SS18: variants seen among roughly 807,000 people sequenced by gnomAD.
SS18 encodes the protein protein SSXT.
In SS18, 28 loss-of-function variants were observed where a neutral mutation model predicts 72.5. The ratio of observed to expected loss-of-function variants is 0.39; its 90% CI spans 0.29 to 0.53. The LOEUF (loss-of-function observed/expected upper bound fraction) is 0.53. SS18 is among the 20% of genes least tolerant of loss of function. The pLI, the probability that SS18 is intolerant of heterozygous loss-of-function variation, is 0.76. For synonymous variants in SS18, 172 were observed against 164.2 expected (o/e 1.05, Z -0.37); for missense variants, 518 against 535.3 (o/e 0.97, Z 0.32).
intron 9 of SS18, among the ~76,000 whole-genome samples, chr18:26,033,626 C>A (rs2053580961): frequency 6.6e-6 from 1 of 151,144 alleles, no homozygotes; most frequent in Non-Finnish European, 1.5e-5. Context: ...CAAAAGAGAA[C>A]AAGTTTTCAA....
chr18:26,084,176 C>T (rs947035933), intron 2 of SS18: 1 of 151,916 alleles, frequency 6.6e-6, no homozygotes, highest in Non-Finnish European at 1.5e-5. Flanking sequence ...CTGGCCAGAT[C>T]TGGAAGAATT....
At chr18:26,053,808 T>C (rs557960312) in intron 4 of SS18, among the ~76,000 whole-genome samples, 1 of 152,236 alleles carries the variant, frequency 6.6e-6, no homozygotes, top group South Asian at 2.1e-4. Flanking sequence ...TCTAACTATA[T>C]TGTGAAGAAA....
Position 26,087,511 on chromosome 18 carries a change from C to T in SS18, c.136G>A (p.Glu46Lys), listed in dbSNP as rs773122063. ...MDSQNKGKTS[E>K]CSQYQQMLHT... is the part of the protein sequence containing the mutation. ...TCTTATCAATCTTACTGAGAACACT[C>T]TGAGGTCTTTCCTTTATTCTGAGAG... The change falls in exon 2 of 11, where the codon GAG becomes AAG. Residue 46 changes from glutamate (E) to lysine (K), a missense_variant. Transcript: ENST00000415083. The T allele has an allele frequency of 2.5e-6, 4 of 1,584,288 alleles. No homozygotes were observed. Among genetic ancestry groups the T allele is most frequent in the Non-Finnish European group, 3.4e-6 (4 of 1,160,652 alleles).
At chr18:26,030,649 A>G (rs577470154) in intron 10 of SS18, among the ~76,000 whole-genome samples, 1 of 152,314 alleles carries the variant, frequency 6.6e-6, no homozygotes, top group African/African-American at 2.4e-5. Flanking sequence ...GAAAATGATC[A>G]GTTTAGTCTA....
chr18:26,087,255 AG>A (rs1225731627), intron 2 of SS18, among the ~76,000 whole-genome samples: 1 of 151,806 alleles, frequency 6.6e-6, no homozygotes, highest in African/African-American at 2.4e-5. Context: ...TCACGGGTTG[AG>A]GGGTGGGGGA....
chr18:26,044,320 T>A (rs1282290910), intron 5 of SS18, among the ~76,000 whole-genome samples: 1 of 144,358 alleles, frequency 6.9e-6, no homozygotes, highest in African/African-American at 2.8e-5. Flanking sequence ...CTTTTCATAT[T>A]TTTTTAGATT....
chr18:26,049,570 T>C (rs1472544286), intron 5 of SS18, among the ~76,000 whole-genome samples: 1 of 152,212 alleles, frequency 6.6e-6, no homozygotes, highest in Non-Finnish European at 1.5e-5. Flanking sequence ...TGGAGTGCAG[T>C]GACACCAGCA....
At chr18:26,084,671 T>C (rs1048281715) in intron 2 of SS18, among the ~76,000 whole-genome samples, 1 of 152,160 alleles carries the variant, frequency 6.6e-6, no homozygotes, top group East Asian at 1.9e-4. Context: ...TAAAAGTGTA[T>C]AGTGTGAATT....
rs953370931 is a variant in SS18, at chr18:26,017,684, C to T, written c.*670G>A. The stretch of plus-strand genomic sequence containing the variant: ...AAGGCTTTTAAAAAATGTCTTTTTA[C>T]TCAAAACTGTATCACAGTGCCCTTG... On this transcript the variant is annotated 3_prime_UTR_variant, in exon 11 of 11. Coordinates refer to ENST00000415083, the MANE Select transcript of SS18 (RefSeq NM_001007559.3). 4.2e-5 allele frequency: 9 copies of T among 212,336 alleles called. No individual in the cohort carries two copies. Among genetic ancestry groups the T allele is most frequent in the African/African-American group, 2.0e-4 (9 of 44,234 alleles). 13.2% of individuals were successfully genotyped at this position (212,336 alleles called of 1,614,324 possible). A position where few individuals can be genotyped will look rare whatever the true frequency, so the allele number is the denominator to read the frequency against.
chr18:26,078,218 G>T, intron 2 of SS18, 58 bp from the exon 3 acceptor site: 1 of 1,206,598 alleles, frequency 8.3e-7, no homozygotes, highest in Non-Finnish European at 1.2e-6. Flanking sequence ...ACCTGCCTAA[G>T]TACAAACAGC....
chr18:26,072,994 CCTAAT>C (rs1474452159), intron 3 of SS18, among the ~76,000 whole-genome samples: 1 of 151,918 alleles, frequency 6.6e-6, no homozygotes, highest in African/African-American at 2.4e-5. Context: ...CTTGACCTAA[CCTAAT>C]AGACATATAT....
intron 5 of SS18, among the ~76,000 whole-genome samples, chr18:26,047,370 A>G (rs2053844127): frequency 6.6e-6 from 1 of 152,006 alleles, no homozygotes; most frequent in Admixed American, 6.5e-5. Context: ...AGGCCTTTTA[A>G]TAGTCTAATA....
intron 4 of SS18, among the ~76,000 whole-genome samples, chr18:26,056,046 C>A (rs141881150): frequency 6.6e-6 from 1 of 152,084 alleles, no homozygotes; most frequent in African/African-American, 2.4e-5. Context: ...CGTGAGCCAC[C>A]GCGCCTGGCC....
chr18:26,026,673 T>A (rs887629799), intron 10 of SS18, among the ~76,000 whole-genome samples: 2 of 152,024 alleles, frequency 1.3e-5, no homozygotes, highest in African/African-American at 4.8e-5. Context: ...GGGGGAGCAT[T>A]CAGATTGAAA....
At chr18:26,030,880 C>T (rs1049860042) in intron 10 of SS18, among the ~76,000 whole-genome samples, 2 of 151,756 alleles carry the variant, frequency 1.3e-5, no homozygotes, top group African/African-American at 4.8e-5. Flanking sequence ...AATGTAAACG[C>T]GAGAGGAACA....
intron 5 of SS18, among the ~76,000 whole-genome samples, chr18:26,051,718 C>T (rs2053927514): frequency 6.6e-6 from 1 of 152,148 alleles, no homozygotes; most frequent in African/African-American, 2.4e-5. Context: ...AAAAATGTAG[C>T]AAGTGCCAGT....
At chr18:26,069,740 GAACT>G (rs2054281483) in intron 3 of SS18, among the ~76,000 whole-genome samples, 1 of 152,082 alleles carries the variant, frequency 6.6e-6, no homozygotes, top group Non-Finnish European at 1.5e-5. Context: ...ACAATAGAAA[GAACT>G]ATTTTCTCCC....
At position 26,017,234 on chromosome 18, in the gene SS18, C is replaced by T. The variant is rs1330359629; in HGVS notation, c.*1120G>A. 1.5e-5 allele frequency: 3 copies of T among 198,878 alleles called. No individual in the cohort carries two copies. Among genetic ancestry groups the T allele is most frequent in the Admixed American group, 6.0e-5 (1 of 16,538 alleles). 12.3% of individuals were successfully genotyped at this position (198,878 alleles called of 1,614,324 possible). On this transcript the variant is annotated 3_prime_UTR_variant, in exon 11 of 11. Coordinates refer to ENST00000415083, the MANE Select transcript of SS18 (RefSeq NM_001007559.3). Reference sequence around the variant, plus strand: ...TCAATAAGCATTTTCCTAAATATCTCTTTGTGTTATATCAACCAACATAAA... The same window carrying T: ...TCAATAAGCATTTTCCTAAATATCTTTTTGTGTTATATCAACCAACATAAA...
intron 3 of SS18, among the ~76,000 whole-genome samples, chr18:26,059,909 T>A (rs534237349): frequency 6.6e-6 from 1 of 152,320 alleles, no homozygotes; most frequent in African/African-American, 2.4e-5. Flanking sequence ...TAACAAGTGT[T>A]GTGAACAATG....
Sources: gnomAD v4.1 joint callset for allele counts (sites outside exome capture counted in the v4.1 genomes callset) on GRCh38, gnomAD v4.1.1 for gene constraint, MANE v1.5 for transcripts, NCBI Gene and HGNC (gene_info 2026-07-23, HGNC 2026-07-21) for gene names.